MGAT4C: variants seen among roughly 807,000 people sequenced by gnomAD.
MGAT4C encodes MGAT4 family member C, also known as alpha-1,3-mannosyl-glycoprotein 4-beta-N-acetylglucosaminyltransferase C.
A neutral mutation model predicts 40.1 loss-of-function variants in MGAT4C; 19 were observed. The ratio of observed to expected loss-of-function variants is 0.47; its 90% confidence interval spans 0.33 to 0.70. The LOEUF is 0.70. Among genes scored for constraint, MGAT4C ranks in the 30% least tolerant of loss-of-function variants. The pLI, the probability that MGAT4C is intolerant of heterozygous loss-of-function variation, is 0.02. For synonymous variants in MGAT4C, 181 were observed against 187.1 expected, an observed-to-expected ratio of 0.97 and a Z score of 0.27; for missense variants, 491 against 563.2, an observed-to-expected ratio of 0.87 and a Z score of 1.30.
intron 4 of MGAT4C, among the ~76,000 whole-genome samples, chr12:85,983,040 G>A (rs1233688176): frequency 6.6e-6 from 1 of 152,206 alleles, no homozygotes. Context: ...TTAACCTCTG[G>A]CTTCCAGAAC....
chr12:86,565,689 T>A (rs1339142283), intron 2 of MGAT4C, among the ~76,000 whole-genome samples: 1 of 152,182 alleles, frequency 6.6e-6, no homozygotes, highest in Non-Finnish European at 1.5e-5. Flanking sequence ...GGGATGTGGA[T>A]GGACCTCTCT....
At chr12:86,601,190 G>C (rs762154138) in intron 2 of MGAT4C, 1 of 152,394 alleles carries the variant, frequency 6.6e-6, no homozygotes, top group Non-Finnish European at 1.5e-5. Flanking sequence ...TGATGGCAGC[G>C]GGAGCAGACA....
chr12:86,007,070 T>C (rs1212731635), intron 2 of MGAT4C, among the ~76,000 whole-genome samples: 1 of 152,172 alleles, frequency 6.6e-6, no homozygotes, highest in African/African-American at 2.4e-5. Context: ...ATGACTAATA[T>C]AAAGAGTATC....
At chr12:86,287,965 A>C (rs1268589875) in intron 4 of MGAT4C, among the ~76,000 whole-genome samples, 1 of 152,180 alleles carries the variant, frequency 6.6e-6, no homozygotes, top group Non-Finnish European at 1.5e-5. Context: ...CACTCCCACC[A>C]ACAGTGTAAA....
intron 2 of MGAT4C, among the ~76,000 whole-genome samples, chr12:86,596,925 G>A (rs1418461875): frequency 6.6e-6 from 1 of 152,140 alleles, no homozygotes; most frequent in Non-Finnish European, 1.5e-5. Context: ...GACCATAACA[G>A]CATGGAAAGT....
chr12:86,606,243 G>GT (rs1299950462), intron 2 of MGAT4C, among the ~76,000 whole-genome samples: 1 of 152,024 alleles, frequency 6.6e-6, no homozygotes, highest in African/African-American at 2.4e-5. Context: ...AAGCTTAACC[G>GT]TATCAGCAAC....
intron 1 of MGAT4C, among the ~76,000 whole-genome samples, chr12:86,799,431 A>G (rs1952186250): frequency 6.6e-6 from 1 of 151,868 alleles, no homozygotes; most frequent in African/African-American, 2.4e-5. Flanking sequence ...GACATGCATT[A>G]TTTCCTATGT....
At chr12:86,529,629 C>T (rs1958944250) in intron 2 of MGAT4C, among the ~76,000 whole-genome samples, 1 of 152,022 alleles carries the variant, frequency 6.6e-6, no homozygotes, top group South Asian at 2.1e-4. Flanking sequence ...GCAATCATTC[C>T]ACCAACTTGC....
At chr12:86,469,831 C>G (rs1314974245) in intron 2 of MGAT4C, among the ~76,000 whole-genome samples, 1 of 152,046 alleles carries the variant, frequency 6.6e-6, no homozygotes, top group Non-Finnish European at 1.5e-5. Flanking sequence ...AGCAGATGAC[C>G]AAAATGATGA....
At chr12:86,419,615 G>C (rs1032608994) in intron 3 of MGAT4C, among the ~76,000 whole-genome samples, 14 of 152,074 alleles carry the variant, frequency 9.2e-5, no homozygotes, top group Non-Finnish European at 4.4e-5. Flanking sequence ...ATCTTCTGAA[G>C]GGAGTAAAAA....
intron 1 of MGAT4C, among the ~76,000 whole-genome samples, chr12:86,166,533 G>A (rs1188706048): frequency 1.3e-5 from 2 of 152,128 alleles, no homozygotes; most frequent in Admixed American, 6.6e-5. Flanking sequence ...TTAGTTGGCT[G>A]TGGTGGCGCA....
rs927612392 is a variant in MGAT4C at position 85,971,273 on chromosome 12, A to T, written c.*8016T>A. On this transcript the variant is annotated 3_prime_UTR_variant, in exon 5 of 5. Coordinates refer to ENST00000611864, the MANE Select transcript of MGAT4C (RefSeq NM_001351288.2). The stretch of plus-strand genomic sequence containing the variant: ...GATCAACACTATTGGGCACCCAGTT[A>T]TTTGGTGGTACGCTGAGTGAAAATA... The T allele has an allele frequency of 6.6e-6, 1 of 151,298 alleles. No homozygotes were observed. The highest frequency in any genetic ancestry group is 2.4e-5 in the African/African-American group (1 of 41,382). 9.4% of individuals were successfully genotyped at this position (151,298 alleles called of 1,614,324 possible).
At chr12:86,700,178 C>CAGACAGACAGATAGATAGAT (rs1386887962) in intron 2 of MGAT4C, among the ~76,000 whole-genome samples, 2 of 140,772 alleles carry the variant, frequency 1.4e-5, no homozygotes, top group East Asian at 2.2e-4. Flanking sequence ...GACAGACAGA[C>CAGACAGACAGATAGATAGAT]AGATAGATAG....
chr12:86,748,638 G>A lies in MGAT4C; in HGVS notation c.-261-21397C>T, dbSNP rs535820251. 3.3e-5 allele frequency among the ~76,000 whole-genome samples: 5 copies of A among 151,616 alleles called. No homozygotes were observed. In the East Asian group the frequency reaches 7.8e-4, roughly 24 times the overall value. On this transcript the variant is annotated intron_variant, in intron 1 of 7. Coordinates refer to the MGAT4C transcript ENST00000548651. Reference sequence around the variant, plus strand: ...GTAGTCAGGGTCAGAAATACAGAGTGTGTAATATCATGTAAAGCAAAGAAA... The same window carrying A: ...GTAGTCAGGGTCAGAAATACAGAGTATGTAATATCATGTAAAGCAAAGAAA...
At chr12:86,063,544 TG>T (rs1193136902) in intron 1 of MGAT4C, among the ~76,000 whole-genome samples, 1 of 152,146 alleles carries the variant, frequency 6.6e-6, no homozygotes, top group Non-Finnish European at 1.5e-5. Context: ...TAAATGTAAA[TG>T]GGCTAAATAC....
intron 2 of MGAT4C, among the ~76,000 whole-genome samples, chr12:86,567,686 C>A (rs745983648): frequency 1.8e-4 from 27 of 152,090 alleles, no homozygotes; most frequent in Non-Finnish European, 3.4e-4. Flanking sequence ...TTGCTGAAGG[C>A]AATGGGAATA....
intron 2 of MGAT4C, among the ~76,000 whole-genome samples, chr12:86,585,175 T>C (rs953618983): frequency 6.6e-6 from 1 of 151,480 alleles, no homozygotes; most frequent in African/African-American, 2.4e-5. Flanking sequence ...GTTTTATAGC[T>C]TTGTACATAG....
At chr12:86,299,092 T>C (rs1258668934) in intron 4 of MGAT4C, among the ~76,000 whole-genome samples, 1 of 152,154 alleles carries the variant, frequency 6.6e-6, no homozygotes, top group Admixed American at 6.5e-5. Flanking sequence ...TATAGAATAC[T>C]CTGATCTTTT....
intron 3 of MGAT4C, among the ~76,000 whole-genome samples, chr12:86,414,911 T>C (rs929871529): frequency 1.3e-5 from 2 of 152,116 alleles, no homozygotes; most frequent in Non-Finnish European, 2.9e-5. Flanking sequence ...CCTTTCTCCC[T>C]GCAAAACAAG....
Sources: allele counts gnomAD v4.1 joint callset (sites outside exome capture counted in the v4.1 genomes callset), GRCh38; gene constraint gnomAD v4.1.1; transcripts MANE v1.5; gene names NCBI Gene and HGNC (gene_info 2026-07-23, HGNC 2026-07-21).